LIPC: variants seen among roughly 807,000 people sequenced by gnomAD.
The protein encoded by LIPC is lipase C, hepatic type, also known as hepatic triacylglycerol lipase.
A neutral mutation model predicts 50.7 loss-of-function variants in LIPC; 44 were observed. The observed-to-expected ratio is 0.87, with a 90% confidence interval of 0.68 to 1.11. LIPC has a LOEUF of 1.11. Among genes scored for constraint, LIPC ranks in the 50% most tolerant of loss-of-function variants. The pLI is 0.00. For missense variants in LIPC, 697 were observed against 648.2 expected, an observed-to-expected ratio of 1.08 and a Z score of -0.82; for synonymous variants, 271 against 256.4, an observed-to-expected ratio of 1.06 and a Z score of -0.54.
chr15:58,506,782 GGGGTGTGTTA>G (rs1595905953), intron 1 of LIPC, among the ~76,000 whole-genome samples: 2 of 152,178 alleles, frequency 1.3e-5, no homozygotes, highest in East Asian at 3.9e-4. Flanking sequence ...TACAGGTGTG[GGGGTGTGTTA>G]GTCCATTCTC....
chr15:58,510,187 A>G (rs773374597), intron 1 of LIPC, among the ~76,000 whole-genome samples: 12 of 152,214 alleles, frequency 7.9e-5, no homozygotes, highest in Non-Finnish European at 1.6e-4. Flanking sequence ...TGGTATGGGA[A>G]ACAGATACTT....
Position 58,568,713 on chromosome 15 carries a change from C to T in LIPC, c.1389-3C>T. 1.9e-6 allele frequency: 3 copies of T among 1,553,552 alleles called. No individual in the cohort carries two copies. Among genetic ancestry groups the T allele is most frequent in the Non-Finnish European group, 2.7e-6 (3 of 1,126,040 alleles). The stretch of plus-strand genomic sequence containing the variant: ...CTGTGTTTGCTTCCTGTTTTCTATT[C>T]AGAATGACATTTTGTTCAGAAAACA... On this transcript the variant is annotated splice_polypyrimidine_tract_variant and splice_region_variant and intron_variant, in intron 8 of 8. Coordinates refer to ENST00000299022, the MANE Select transcript of LIPC (RefSeq NM_000236.3).
chr15:58,445,937 GTT>G (rs1893679567), intron 1 of LIPC, among the ~76,000 whole-genome samples: 1 of 152,196 alleles, frequency 6.6e-6, no homozygotes. Flanking sequence ...TACTCCCAGT[GTT>G]TTTCTCTACT....
intron 1 of LIPC, among the ~76,000 whole-genome samples, chr15:58,487,831 G>A (rs1891430880): frequency 6.6e-6 from 1 of 152,162 alleles, no homozygotes. Flanking sequence ...TCTTGTGTTG[G>A]CCCTGGATAG....
At chr15:58,560,031 C>T (rs1894103602) in intron 6 of LIPC, among the ~76,000 whole-genome samples, 1 of 152,104 alleles carries the variant, frequency 6.6e-6, no homozygotes, top group Non-Finnish European at 1.5e-5. Context: ...AATAACAATG[C>T]CTACATCATA....
rs573178154 is a variant in LIPC, at chr15:58,442,413, A to G, written c.88+10293A>G. Among the ~76,000 whole-genome samples the G allele has an allele frequency of 4.6e-5, 7 of 152,336 alleles. No individual in the cohort carries two copies. The South Asian group carries it at 6.2e-4, about 14-fold the overall frequency. On this transcript the variant is annotated intron_variant, in intron 1 of 8. Coordinates refer to ENST00000299022, the MANE Select transcript of LIPC (RefSeq NM_000236.3). ...AGATGGGATTCTGTAAGAACAGCCC[A>G]CGCAGTCAATGACCCTTATGCCATT... is the stretch of plus-strand genomic sequence containing the variant.
intron 1 of LIPC, among the ~76,000 whole-genome samples, chr15:58,512,072 AT>A (rs1454245658): frequency 6.6e-6 from 1 of 150,818 alleles, no homozygotes; most frequent in African/African-American, 2.4e-5. Flanking sequence ...AATTTTGGTG[AT>A]TTTCTCTATG....
chr15:58,449,033 C>T (rs758568469), intron 1 of LIPC, among the ~76,000 whole-genome samples: 1 of 151,886 alleles, frequency 6.6e-6, no homozygotes, highest in African/African-American at 2.4e-5. Context: ...CTTGGCAGGC[C>T]GGAAAGCGCT....
intron 1 of LIPC, among the ~76,000 whole-genome samples, chr15:58,536,052 A>G (rs1157128079): frequency 7.9e-5 from 12 of 152,196 alleles, no homozygotes; most frequent in African/African-American, 2.9e-4. Context: ...CAGGTGGAGG[A>G]AGCACACACC....
At chr15:58,443,929 T>A (rs2140651101) in intron 1 of LIPC, among the ~76,000 whole-genome samples, 1 of 152,226 alleles carries the variant, frequency 6.6e-6, no homozygotes, top group African/African-American at 2.4e-5. Flanking sequence ...GTGGGGGAGA[T>A]TACAAAGTAC....
At chr15:58,535,686 A>T (rs1893094399) in intron 1 of LIPC, among the ~76,000 whole-genome samples, 1 of 152,224 alleles carries the variant, frequency 6.6e-6, no homozygotes, top group African/African-American at 2.4e-5. Context: ...TACTTATTCT[A>T]ACAACGCTCT....
intron 4 of LIPC, among the ~76,000 whole-genome samples, chr15:58,543,118 C>A (rs16940472): frequency 0.19 from 28,401 of 151,994 alleles, 3,542 homozygotes; most frequent in African/African-American, 0.36. Context: ...GCTCTGCATC[C>A]AAAACTTCAC....
intron 1 of LIPC, among the ~76,000 whole-genome samples, chr15:58,481,266 A>G (rs1259501454): frequency 1.3e-5 from 2 of 152,212 alleles, no homozygotes; most frequent in African/African-American, 4.8e-5. Flanking sequence ...AATGACTCTC[A>G]AAGTTTAAAT....
chr15:58,563,724 GTGAC>G lies in LIPC; in HGVS notation c.1388+4_1388+7del. On this transcript the variant is annotated splice_donor_variant and splice_donor_5th_base_variant and intron_variant, in intron 8 of 8. Coordinates refer to ENST00000299022, the MANE Select transcript of LIPC (RefSeq NM_000236.3). LOFTEE classifies it high-confidence loss of function. ...TCAAAGCAGGAGAAACCCAGCAAAG[GTGAC>G]TGCTGATTCAATCTCCTATTAACGT... 6.2e-7 allele frequency: 1 copy of G among 1,611,802 alleles called. No individual in the cohort carries two copies. Among genetic ancestry groups the G allele is most frequent in the South Asian group, 1.1e-5 (1 of 90,914 alleles).
chr15:58,455,764 CATT>C (rs1894087557), intron 1 of LIPC, among the ~76,000 whole-genome samples: 1 of 152,074 alleles, frequency 6.6e-6, no homozygotes, highest in Non-Finnish European at 1.5e-5. Flanking sequence ...CTGTATATTT[CATT>C]ATTATTTATA....
intron 1 of LIPC, among the ~76,000 whole-genome samples, chr15:58,487,391 G>A (rs1226543813): frequency 1.2e-4 from 18 of 152,188 alleles, no homozygotes; most frequent in African/African-American, 4.3e-4. Context: ...CAAAGTAAGC[G>A]CTCAATAAAC....
At chr15:58,510,078 A>T (rs1160725004) in intron 1 of LIPC, among the ~76,000 whole-genome samples, 1 of 152,186 alleles carries the variant, frequency 6.6e-6, no homozygotes, top group Non-Finnish European at 1.5e-5. Flanking sequence ...TGTTTTCTCC[A>T]TTACTAAACA....
At chr15:58,503,646 G>A (rs1595903398) in intron 1 of LIPC, among the ~76,000 whole-genome samples, 1 of 152,214 alleles carries the variant, frequency 6.6e-6, no homozygotes, top group Admixed American at 6.5e-5. Context: ...GAAGGGCAGG[G>A]TTCCACTGGG....
chr15:58,455,155 TAG>T, intron 1 of LIPC, among the ~76,000 whole-genome samples: 1 of 152,330 alleles, frequency 6.6e-6, no homozygotes, highest in South Asian at 2.1e-4. Context: ...GCAAACATTA[TAG>T]ATTAGGGTTT....
Sources: allele counts gnomAD v4.1 joint callset (sites outside exome capture counted in the v4.1 genomes callset), GRCh38; gene constraint gnomAD v4.1.1; transcripts MANE v1.5; gene names NCBI Gene and HGNC (gene_info 2026-07-23, HGNC 2026-07-21).